Variants in GALNT6 observed in about 807,000 individuals in gnomAD.
GALNT6 encodes the protein polypeptide N-acetylgalactosaminyltransferase 6.
A neutral mutation model predicts 65.9 loss-of-function variants in GALNT6; 51 were observed. That is an observed-to-expected ratio of 0.77 (90% CI 0.62 to 0.98). The LOEUF is 0.98. Ranked by LOEUF, GALNT6 falls within the 50% of genes least tolerant of loss-of-function variation. The probability of loss-of-function intolerance (pLI) is 0.00; values close to 1 mark genes in which losing one functional copy is unlikely to be tolerated. For synonymous variants in GALNT6, 323 were observed against 315.1 expected (o/e 1.02, Z -0.26); for missense variants, 708 against 803.3 (o/e 0.88, Z 1.43).
chr12:51,365,729 G>A, intron 4 of GALNT6, 150 bp from the exon 5 acceptor site: 1 of 671,542 alleles, frequency 1.5e-6, no homozygotes, highest in South Asian at 3.0e-5. Flanking sequence ...ACAGAAGCCG[G>A]AGCTGGGGAA....
chr12:51,355,894 A>G lies in GALNT6; in HGVS notation c.1667T>C (p.Val556Ala). ...HNIAKQLCLH[V>A]SKGALGLGSC... Reference sequence around the variant, plus strand: ...CCCAAGGCCCAGAGCACCCTTGCTGACATGTAGACACAGCTGCTTTGCGAT... The same window carrying G: ...CCCAAGGCCCAGAGCACCCTTGCTGGCATGTAGACACAGCTGCTTTGCGAT... Residue 556 changes from valine (V) to alanine (A), a missense_variant, in exon 11 of 12, where the codon GTC (valine) becomes GCC (alanine). Physicochemically the swap from Val to Ala is moderately conservative, Grantham distance 64. Coordinates refer to ENST00000356317, the MANE Select transcript of GALNT6 (RefSeq NM_007210.4). 6.2e-7 allele frequency: 1 copy of G among 1,613,780 alleles called. No homozygotes were observed. The highest frequency in any genetic ancestry group is 8.5e-7 in the Non-Finnish European group (1 of 1,179,782).
At position 51,360,791 on chromosome 12, in the gene GALNT6, A is replaced by C. The variant is rs1389614368; in HGVS notation, c.1097T>G (p.Phe366Cys). 6.2e-7 allele frequency: 1 copy of C among 1,613,710 alleles called. No individual in the cohort carries two copies. Among genetic ancestry groups the C allele is most frequent in the African/African-American group, 1.3e-5 (1 of 74,894 alleles). The change falls in exon 7 of 12, where the codon TTT becomes TGT. Residue 366 changes from phenylalanine to cysteine, a missense_variant. By Grantham distance (205) the Phe-to-Cys change is radical. Coordinates refer to ENST00000356317, the MANE Select transcript of GALNT6 (RefSeq NM_007210.4). ...GGLFSISKSY[F>C]EHIGTYDNQM... Reference sequence around the variant, plus strand: ...ATTATCATAGGTACCGATGTGCTCAAAGTAGGACTTGGAGATGGAGAAGAG... The same window carrying C: ...ATTATCATAGGTACCGATGTGCTCACAGTAGGACTTGGAGATGGAGAAGAG...
intron 4 of GALNT6, among the ~76,000 whole-genome samples, chr12:51,375,560 CTT>C (rs57034265): frequency 2.2e-4 from 31 of 142,548 alleles, no homozygotes; most frequent in Non-Finnish European, 2.6e-4. Flanking sequence ...CTCAACTGCT[CTT>C]TTTTTTTTTT....
intron 10 of GALNT6, among the ~76,000 whole-genome samples, chr12:51,356,302 A>G (rs1946743233): frequency 6.6e-6 from 1 of 150,410 alleles, no homozygotes; most frequent in African/African-American, 2.4e-5. Context: ...TGGCCTCCCA[A>G]AGTGCTGGGA....
At chr12:51,355,730 G>A in intron 11 of GALNT6, 76 bp downstream of exon 11, 1 of 1,433,900 alleles carries the variant, frequency 7.0e-7, no homozygotes, top group South Asian at 1.2e-5. Flanking sequence ...GCCTCTCAAA[G>A]TGCTGGGATT....
chr12:51,390,199 AT>A (rs879892193), intron 2 of GALNT6, among the ~76,000 whole-genome samples: 29 of 56,306 alleles, frequency 5.2e-4, no homozygotes, highest in Non-Finnish European at 8.1e-4. Flanking sequence ...TTTTGCTCTT[AT>A]TGCCCAGGCT....
chr12:51,386,665 C>T (rs1339142004), intron 2 of GALNT6, among the ~76,000 whole-genome samples: 1 of 152,198 alleles, frequency 6.6e-6, no homozygotes, highest in Non-Finnish European at 1.5e-5. Context: ...AAAGTGATAA[C>T]TGTCACCACT....
At chr12:51,390,715 G>C (rs1229286217) in intron 2 of GALNT6, 135 bp downstream of exon 2, 1 of 115,676 alleles carries the variant, frequency 8.6e-6, no homozygotes, top group South Asian at 2.7e-4. Context: ...GCCTGGGGGC[G>C]AGCTCAGAGC....
chr12:51,375,342 G>A (rs151157436), intron 4 of GALNT6, among the ~76,000 whole-genome samples: 1 of 152,130 alleles, frequency 6.6e-6, no homozygotes, highest in African/African-American at 2.4e-5. Context: ...TTAAGGCCCA[G>A]CTCCAATCTG....
chr12:51,379,821 A>G lies in GALNT6; in HGVS notation c.-40T>C. 1 of 1,560,120 alleles carries G rather than the reference A, an allele frequency of 6.4e-7. No individual in the cohort carries two copies. Among genetic ancestry groups the G allele is most frequent in the South Asian group, 1.2e-5 (1 of 86,576 alleles). ...GGGCACCCCAGCTGCGTCAGCTCTG[A>G]GTCCTGAGCCCAACCCTGGAGATAG... is the stretch of plus-strand genomic sequence containing the variant. On this transcript the variant is annotated 5_prime_UTR_variant, in exon 3 of 12. Transcript: ENST00000356317.
intron 6 of GALNT6, among the ~76,000 whole-genome samples, chr12:51,362,605 A>G (rs1413089810): frequency 7.9e-6 from 1 of 126,918 alleles, no homozygotes; most frequent in Non-Finnish European, 1.6e-5. Flanking sequence ...CCTCTTTCTG[A>G]CTGTGCTGCT....
intron 6 of GALNT6, among the ~76,000 whole-genome samples, 171 bp downstream of exon 6, chr12:51,363,950 T>A (rs991358991): frequency 6.6e-6 from 1 of 152,242 alleles, no homozygotes; most frequent in Non-Finnish European, 1.5e-5. Context: ...TTTATCACTA[T>A]GAGCCTTAGT....
Position 51,360,777 on chromosome 12 carries a change from TACCG to T in GALNT6, c.1107_1110del (p.Gly370ProfsTer35), listed in dbSNP as rs1258662170. 6.2e-7 allele frequency: 1 copy of T among 1,613,808 alleles called. No individual in the cohort carries two copies. The highest frequency in any genetic ancestry group is 1.1e-5 in the South Asian group (1 of 91,068). On this transcript the variant is annotated frameshift_variant, in exon 7 of 12. Coordinates refer to ENST00000356317, the MANE Select transcript of GALNT6 (RefSeq NM_007210.4). LOFTEE classifies it high-confidence loss of function. ...CAGATCTCCATCTGATTATCATAGG[TACCG>T]ATGTGCTCAAAGTAGGACTTGGAGA...
At chr12:51,369,462 G>A (rs995532695) in intron 4 of GALNT6, among the ~76,000 whole-genome samples, 9 of 152,120 alleles carry the variant, frequency 5.9e-5, no homozygotes, top group Non-Finnish European at 7.4e-5. Context: ...TGTCCCCGCC[G>A]TGACAGCCTT....
At chr12:51,391,252 T>G (rs1948084596) in intron 1 of GALNT6, 35 bp downstream of exon 1, 1 of 152,090 alleles carries the variant, frequency 6.6e-6, no homozygotes, top group Non-Finnish European at 1.5e-5. Flanking sequence ...GGGAAGAGGG[T>G]GTGGAGCCCT....
intron 4 of GALNT6, among the ~76,000 whole-genome samples, chr12:51,376,745 C>T (rs1947469048): frequency 6.6e-6 from 1 of 151,986 alleles, no homozygotes. Context: ...GAGCCAGGCA[C>T]ACAGTACTCA....
intron 2 of GALNT6, among the ~76,000 whole-genome samples, chr12:51,380,849 C>T (rs986592351): frequency 1.4e-4 from 22 of 152,280 alleles, no homozygotes; most frequent in East Asian, 1.9e-4. Context: ...ATGAAGAAAA[C>T]GGTACAGGAT....
intron 2 of GALNT6, among the ~76,000 whole-genome samples, chr12:51,381,226 A>C (rs1947661430): frequency 6.6e-6 from 1 of 152,204 alleles, no homozygotes; most frequent in Non-Finnish European, 1.5e-5. Flanking sequence ...GGCGAGAGAG[A>C]GATTCTGTCT....
intron 4 of GALNT6, among the ~76,000 whole-genome samples, chr12:51,366,110 A>G (rs766612781): frequency 2.4e-4 from 37 of 152,144 alleles, no homozygotes; most frequent in Non-Finnish European, 5.0e-4. Context: ...TAGAGATAGC[A>G]TTTCACCATA....
Sources: gnomAD v4.1 joint callset for allele counts (sites outside exome capture counted in the v4.1 genomes callset) on GRCh38, gnomAD v4.1.1 for gene constraint, MANE v1.5 for transcripts, NCBI Gene and HGNC (gene_info 2026-07-23, HGNC 2026-07-21) for gene names.